ZSCAN25: variants seen among roughly 807,000 people sequenced by gnomAD.
The protein encoded by ZSCAN25 is zinc finger and SCAN domain containing 25.
Under a neutral mutation model 38.7 loss-of-function variants are expected in ZSCAN25, and 27 were observed. The observed-to-expected ratio is 0.70, with a 90% CI of 0.51 to 0.96. The LOEUF is 0.96. Among genes scored for constraint, ZSCAN25 ranks in the 40% least tolerant of loss-of-function variants. The pLI, the probability that ZSCAN25 is intolerant of heterozygous loss-of-function variation, is 0.00. For missense variants in ZSCAN25, 637 were observed against 705.9 expected (o/e 0.90, Z 1.11); for synonymous variants, 273 against 277.7 (o/e 0.98, Z 0.17).
chr7:99,658,929 C>A, the ZSCAN25 span: 1 of 152,234 alleles, frequency 6.6e-6, no homozygotes, highest in Non-Finnish European at 1.5e-5. Flanking sequence ...GTCTTCAGCT[C>A]CATCAGGTCC....
intron 1 of ZSCAN25, among the ~76,000 whole-genome samples, chr7:99,617,891 T>G (rs1314167955): frequency 5.3e-5 from 8 of 152,200 alleles, no homozygotes; most frequent in African/African-American, 1.9e-4. Flanking sequence ...GGGTAAACAT[T>G]TGCACTGTAG....
chr7:99,624,052 T>A lies in ZSCAN25; in HGVS notation c.682-5T>A, dbSNP rs1486490437. 4.3e-6 allele frequency: 7 copies of A among 1,614,202 alleles called. No individual in the cohort carries two copies. Among genetic ancestry groups the A allele is most frequent in the Non-Finnish European group, 5.9e-6 (7 of 1,180,042 alleles). On this transcript the variant is annotated splice_polypyrimidine_tract_variant and splice_region_variant and intron_variant, in intron 6 of 7. Coordinates refer to ENST00000394152, the MANE Select transcript of ZSCAN25 (RefSeq NM_145115.3). ...TTTATTCATAGCAATCTCCTATTGT[T>A]GCAGGGGTTGGGGCCATTTAAAGAT...
At chr7:99,683,607 C>T in the ZSCAN25 span, among the ~76,000 whole-genome samples, 3 of 152,030 alleles carry the variant, frequency 2.0e-5, no homozygotes, top group East Asian at 3.9e-4. Flanking sequence ...GAAACCTCAC[C>T]CATCCCTTCC....
the ZSCAN25 span, among the ~76,000 whole-genome samples, chr7:99,719,727 T>A: frequency 6.6e-6 from 1 of 152,212 alleles, no homozygotes; most frequent in East Asian, 1.9e-4. Context: ...TGGGTCTGCA[T>A]CTTGATCATG....
the ZSCAN25 span, among the ~76,000 whole-genome samples, chr7:99,672,137 C>T: frequency 2.3e-4 from 35 of 152,102 alleles, no homozygotes; most frequent in Middle Eastern, 3.4e-3. Flanking sequence ...CTGCAACCTC[C>T]GCCTCCCAGG....
At chr7:99,703,798 C>T in the ZSCAN25 span, among the ~76,000 whole-genome samples, 2 of 152,078 alleles carry the variant, frequency 1.3e-5, no homozygotes, top group Non-Finnish European at 2.9e-5. Flanking sequence ...TCTCCATGCT[C>T]TATTTAGGCT....
the ZSCAN25 span, chr7:99,709,259 T>A: frequency 6.2e-7 from 1 of 1,613,690 alleles, no homozygotes; most frequent in Non-Finnish European, 8.5e-7. Context: ...AGGTGGGTGG[T>A]GCCTGAAAAG....
chr7:99,679,198 G>A, the ZSCAN25 span, among the ~76,000 whole-genome samples: 6 of 152,288 alleles, frequency 3.9e-5, no homozygotes, highest in Non-Finnish European at 5.9e-5. Context: ...GTGTATGACA[G>A]GGTGGAGGAG....
chr7:99,693,170 G>A, the ZSCAN25 span, among the ~76,000 whole-genome samples: 1 of 152,140 alleles, frequency 6.6e-6, no homozygotes, highest in African/African-American at 2.4e-5. Flanking sequence ...AGGTCTTTTG[G>A]AGTTTGCTGG....
the ZSCAN25 span, among the ~76,000 whole-genome samples, chr7:99,668,837 T>A: frequency 6.6e-6 from 1 of 152,226 alleles, no homozygotes; most frequent in Admixed American, 6.5e-5. Context: ...CAGTGTGTTA[T>A]CTTCTAATCA....
chr7:99,675,881 G>A, the ZSCAN25 span, among the ~76,000 whole-genome samples: 3 of 150,180 alleles, frequency 2.0e-5, no homozygotes, highest in Non-Finnish European at 4.4e-5. Flanking sequence ...TCTTTCTAGA[G>A]ACAGGTGTCT....
the ZSCAN25 span, chr7:99,717,448 A>G: frequency 5.0e-6 from 8 of 1,595,126 alleles, no homozygotes; most frequent in Admixed American, 3.5e-5. Flanking sequence ...TCGGAAAGGA[A>G]CTCTGATCTT....
chr7:99,720,329 A>G, the ZSCAN25 span: 51 of 1,613,246 alleles, frequency 3.2e-5, no homozygotes, highest in Non-Finnish European at 4.1e-5. Context: ...GTTTGTGAAG[A>G]CAGAATAACA....
chr7:99,667,030 G>A, the ZSCAN25 span: 79 of 1,613,968 alleles, frequency 4.9e-5, no homozygotes, highest in Non-Finnish European at 6.5e-5. Context: ...CAGCTAAAGA[G>A]ATGGCACTTT....
chr7:99,710,927 G>C, the ZSCAN25 span: 1 of 1,613,142 alleles, frequency 6.2e-7, no homozygotes, highest in Non-Finnish European at 8.5e-7. Flanking sequence ...AGGTAAATCA[G>C]GTCAATGTAG....
chr7:99,691,735 T>C, the ZSCAN25 span, among the ~76,000 whole-genome samples: 1 of 152,198 alleles, frequency 6.6e-6, no homozygotes, highest in East Asian at 1.9e-4. Flanking sequence ...TTTTTTGCTT[T>C]CTGTTTGCTT....
the ZSCAN25 span, chr7:99,710,899 G>C: frequency 6.2e-7 from 1 of 1,613,626 alleles, no homozygotes; most frequent in African/African-American, 1.3e-5. Context: ...AGAGCTGAAA[G>C]GAGAGAAAAG....
chr7:99,637,435 T>G, the ZSCAN25 span, among the ~76,000 whole-genome samples: 4 of 152,074 alleles, frequency 2.6e-5, no homozygotes, highest in African/African-American at 9.7e-5. Flanking sequence ...GTGACTACTT[T>G]GCAGTGGAAA....
At chr7:99,679,922 T>C in the ZSCAN25 span, 10 of 1,606,692 alleles carry the variant, frequency 6.2e-6, no homozygotes, top group African/African-American at 2.7e-5. Context: ...TCAACTGTGT[T>C]CTGTGAGTCT....
Sources: gnomAD v4.1 joint callset for allele counts (sites outside exome capture counted in the v4.1 genomes callset) on GRCh38, gnomAD v4.1.1 for gene constraint, MANE v1.5 for transcripts, NCBI Gene and HGNC (gene_info 2026-07-23, HGNC 2026-07-21) for gene names.